The following TMEM170B variants were observed in gnomAD, a reference collection of about 807,000 sequenced individuals.
TMEM170B encodes the protein transmembrane protein 170B.
Under a neutral mutation model 13.0 loss-of-function variants are expected in TMEM170B, and 6 were observed. The observed-to-expected ratio is 0.46, with a 90% CI of 0.25 to 0.91. The LOEUF is 0.91. Ranked by LOEUF, TMEM170B falls within the 40% of genes least tolerant of loss-of-function variation. The pLI is 0.17. For missense variants in TMEM170B, 138 were observed against 165.2 expected (o/e 0.84, Z 0.90); for synonymous variants, 61 against 64.9 (o/e 0.94, Z 0.29).
chr6:11,541,261 A>G (rs1472493760), intron 1 of TMEM170B, among the ~76,000 whole-genome samples: 1 of 152,208 alleles, frequency 6.6e-6, no homozygotes, highest in Non-Finnish European at 1.5e-5. Flanking sequence ...TCTTCTTCTG[A>G]TATAAGGCTG....
Position 11,558,540 on chromosome 6 carries a change from GT to G in TMEM170B, c.98-7125del, listed in dbSNP as rs536928320. Among the ~76,000 whole-genome samples, 189 of 152,312 alleles carry G rather than the reference GT, an allele frequency of 1.2e-3. 3 individuals are homozygous for G. The Middle Eastern group carries it at 0.017, about 14-fold the overall frequency. Reference sequence around the variant, plus strand: ...ACCAATTAAATCAGAATGTCTGGGGGTGGTATCAAGGCATCATCATTTATTT... The same window carrying G: ...ACCAATTAAATCAGAATGTCTGGGGGGGTATCAAGGCATCATCATTTATTT... On this transcript the variant is annotated intron_variant, in intron 1 of 2. Coordinates refer to ENST00000379426, the MANE Select transcript of TMEM170B (RefSeq NM_001100829.3).
At chr6:11,563,594 G>A (rs1448819608) in intron 1 of TMEM170B, among the ~76,000 whole-genome samples, 2 of 152,090 alleles carry the variant, frequency 1.3e-5, no homozygotes, top group Non-Finnish European at 2.9e-5. Flanking sequence ...CCCTCCTCAG[G>A]TTTCATCATT....
At chr6:11,547,626 A>G (rs1759457309) in intron 1 of TMEM170B, among the ~76,000 whole-genome samples, 1 of 152,170 alleles carries the variant, frequency 6.6e-6, no homozygotes, top group Non-Finnish European at 1.5e-5. Flanking sequence ...GCTTACCTGT[A>G]TATCTTATTG....
intron 1 of TMEM170B, among the ~76,000 whole-genome samples, chr6:11,557,045 T>A (rs952084544): frequency 6.6e-6 from 1 of 152,156 alleles, no homozygotes; most frequent in Admixed American, 6.5e-5. Context: ...CTTGTGTCAT[T>A]TACTCAAGGT....
At chr6:11,542,520 C>T (rs964817887) in intron 1 of TMEM170B, among the ~76,000 whole-genome samples, 5 of 152,160 alleles carry the variant, frequency 3.3e-5, no homozygotes, top group African/African-American at 1.2e-4. Flanking sequence ...ACCATGGGAA[C>T]CTCTACTAGG....
intron 1 of TMEM170B, among the ~76,000 whole-genome samples, chr6:11,556,982 A>G (rs1561909761): frequency 6.6e-6 from 1 of 152,186 alleles, no homozygotes; most frequent in African/African-American, 2.4e-5. Context: ...GGGAGCACTC[A>G]GTAGAGACCT....
chr6:11,549,358 C>T (rs1321880323), intron 1 of TMEM170B, among the ~76,000 whole-genome samples: 1 of 152,014 alleles, frequency 6.6e-6, no homozygotes, highest in Non-Finnish European at 1.5e-5. Context: ...AGTGGCAGTA[C>T]CAACACATTT....
At chr6:11,571,077 A>C (rs1159052233) in intron 2 of TMEM170B, among the ~76,000 whole-genome samples, 2 of 152,166 alleles carry the variant, frequency 1.3e-5, no homozygotes, top group African/African-American at 4.8e-5. Context: ...ACACATTATC[A>C]AAACTAATTC....
intron 2 of TMEM170B, among the ~76,000 whole-genome samples, chr6:11,574,295 A>G (rs979307805): frequency 1.3e-5 from 2 of 152,178 alleles, no homozygotes; most frequent in Admixed American, 1.3e-4. Flanking sequence ...AAACATGTAT[A>G]TGAAAGTCCT....
At chr6:11,567,460 G>A (rs1382285509) in intron 2 of TMEM170B, among the ~76,000 whole-genome samples, 1 of 152,196 alleles carries the variant, frequency 6.6e-6, no homozygotes, top group Non-Finnish European at 1.5e-5. Flanking sequence ...TGATGCAAGG[G>A]ATTCCCTTCT....
rs1248810045 is a variant in TMEM170B, at chr6:11,575,288, A to AGATTCATAGATTT, written c.269-143_269-142insGATTCATAGATTT. 6.0e-6 allele frequency: 7 copies of AGATTCATAGATTT among 1,168,204 alleles called. No individual in the cohort carries two copies. The highest frequency in any genetic ancestry group is 1.5e-5 in the African/African-American group (1 of 64,876). 72.4% of individuals were successfully genotyped at this position (1,168,204 alleles called of 1,614,324 possible). A position where few individuals can be genotyped will look rare whatever the true frequency, so the allele number is the denominator to read the frequency against. On this transcript the variant is annotated intron_variant, in intron 2 of 2. Transcript: ENST00000379426. The surrounding 1 kb of genome is among the most constrained non-coding windows in gnomAD (Gnocchi z 4.1). ...TGTAACTTTCACCAATCACAGGGAA[A>AGATTCATAGATTT]CTTTTTCATAGAAAGTGGATAAAAT... is the stretch of plus-strand genomic sequence containing the variant.
chr6:11,549,945 C>A (rs1759501407), intron 1 of TMEM170B, among the ~76,000 whole-genome samples: 2 of 151,816 alleles, frequency 1.3e-5, no homozygotes, highest in African/African-American at 4.8e-5. Flanking sequence ...TATTAACATA[C>A]TCCATTACTC....
intron 1 of TMEM170B, among the ~76,000 whole-genome samples, chr6:11,555,175 T>A (rs1759572131): frequency 6.6e-6 from 1 of 152,096 alleles, no homozygotes; most frequent in African/African-American, 2.4e-5. Flanking sequence ...TCTTTATAGT[T>A]TTTTTTTCCC....
At chr6:11,573,958 G>A (rs1335567679) in intron 2 of TMEM170B, among the ~76,000 whole-genome samples, 1 of 152,140 alleles carries the variant, frequency 6.6e-6, no homozygotes, top group Non-Finnish European at 1.5e-5. Context: ...AAATGTTGGT[G>A]CTACTAGGAG....
chr6:11,565,723 C>T lies in TMEM170B; in HGVS notation c.155C>T (p.Ala52Val). 1 of 1,614,146 alleles carries T rather than the reference C, an allele frequency of 6.2e-7. No homozygotes were observed. The highest frequency in any genetic ancestry group is 1.1e-5 in the South Asian group (1 of 91,082). ...TTCTCTTCTCTGTTTGTCCATGGTG[C>T]TGCAGGAGTGTTGATGTTTGTGATG... ...ALFSSLFVHG[A>V]AGVLMFVMLQ... The change falls in exon 2 of 3, where the codon GCT becomes GTT. Residue 52 changes from alanine to valine, a missense_variant. Coordinates refer to ENST00000379426, the MANE Select transcript of TMEM170B (RefSeq NM_001100829.3).
intron 1 of TMEM170B, among the ~76,000 whole-genome samples, chr6:11,564,931 C>G (rs771403525): frequency 1.3e-5 from 2 of 152,090 alleles, no homozygotes; most frequent in Non-Finnish European, 2.9e-5. Context: ...GGAGTCAGTG[C>G]AAGGACATCT....
At chr6:11,569,208 G>A (rs1024972064) in intron 2 of TMEM170B, among the ~76,000 whole-genome samples, 3 of 151,944 alleles carry the variant, frequency 2.0e-5, no homozygotes, top group Admixed American at 2.0e-4. Context: ...TTGACCTCTT[G>A]TTGGTTTTGG....
chr6:11,562,404 A>G (rs1049459667), intron 1 of TMEM170B, among the ~76,000 whole-genome samples: 6 of 149,984 alleles, frequency 4.0e-5, no homozygotes, highest in African/African-American at 1.5e-4. Context: ...ACTAGCATCT[A>G]TCTTGTATGC....
rs1299221037 is a variant in TMEM170B, at chr6:11,538,356, G to A, written c.79G>A (p.Val27Met). The change falls in exon 1 of 3, where the codon GTG becomes ATG. Residue 27 changes from valine (V) to methionine (M), a missense_variant. Physicochemically the swap from Val to Met is conservative, Grantham distance 21. Transcript: ENST00000379426. ...QVLSLWAHGT[V>M]LRNLTEMWYW... is the part of the protein sequence containing the mutation. Reference sequence around the variant, plus strand: ...CCTGAGCCTCTGGGCCCACGGGACGGTGCTGAGGAACCTCACGGGTAATTG... The same window carrying A: ...CCTGAGCCTCTGGGCCCACGGGACGATGCTGAGGAACCTCACGGGTAATTG... 2.6e-6 allele frequency: 4 copies of A among 1,515,860 alleles called. No homozygotes were observed. The highest frequency in any genetic ancestry group is 1.7e-4 in the Middle Eastern group (1 of 5,908). The allele number at this position is 1,515,860 out of a possible 1,614,324, so 93.9% of individuals were successfully genotyped here. A position where few individuals can be genotyped will look rare whatever the true frequency, so the allele number is the denominator to read the frequency against.
Sources: allele counts gnomAD v4.1 joint callset (sites outside exome capture counted in the v4.1 genomes callset), GRCh38; gene constraint gnomAD v4.1.1; non-coding constraint Gnocchi (gnomAD v3.1); transcripts MANE v1.5; gene names NCBI Gene and HGNC (gene_info 2026-07-23, HGNC 2026-07-21).